Variants in ARHGEF10 observed in about 807,000 individuals in gnomAD.
ARHGEF10 encodes Rho guanine nucleotide exchange factor 10.
In ARHGEF10, 140 loss-of-function variants were observed where a neutral mutation model predicts 147.4. That is an observed-to-expected ratio of 0.95 (90% CI 0.83 to 1.09). ARHGEF10 has a LOEUF of 1.09. Among genes scored for constraint, ARHGEF10 ranks in the 50% least tolerant of loss-of-function variants. The probability of loss-of-function intolerance (pLI) is 0.00; values close to 1 mark genes in which losing one functional copy is unlikely to be tolerated. For synonymous variants in ARHGEF10, 902 were observed against 695.8 expected (o/e 1.30, Z -4.67); for missense variants, 2,222 against 1,752.7 (o/e 1.27, Z -4.78).
At chr8:1,917,945 A>ATT (rs796327045) in intron 18 of ARHGEF10, among the ~76,000 whole-genome samples, 1 of 141,568 alleles carries the variant, frequency 7.1e-6, no homozygotes, top group African/African-American at 2.6e-5. Context: ...TGCCTGGCTA[A>ATT]TTTTTTTTTT....
chr8:1,929,467 T>A (rs1266329401), intron 25 of ARHGEF10, 24 bp downstream of exon 25: 1 of 1,590,334 alleles, frequency 6.3e-7, no homozygotes, highest in South Asian at 1.1e-5. Context: ...CACGGCCTCC[T>A]GGCCGGTCCT....
intron 21 of ARHGEF10, among the ~76,000 whole-genome samples, chr8:1,924,432 A>C (rs1363937190): frequency 1.3e-5 from 2 of 152,228 alleles, no homozygotes; most frequent in Non-Finnish European, 2.9e-5. Context: ...GTACTTATAC[A>C]CATGCTTACA....
chr8:1,876,656 A>G lies in ARHGEF10; in HGVS notation c.765A>G (p.Glu255=). ...ACGGATGGAGTTCGAGTGAATTTGA[A>G]AGTTACGAAGAGCAGAGTGACTCGG... The part of the protein sequence containing the change: ...LEYGWSSSEF[E]SYEEQSDSEC... The change falls in exon 8 of 29, where the codon GAA becomes GAG. Residue 255 remains glutamate (E), a synonymous_variant. Transcript: ENST00000349830. 1 of 1,614,198 alleles carries G rather than the reference A, an allele frequency of 6.2e-7. No individual in the cohort carries two copies. Among genetic ancestry groups the G allele is most frequent in the Non-Finnish European group, 8.5e-7 (1 of 1,180,032 alleles).
rs140093553 is a variant in ARHGEF10 at position 1,915,932 on chromosome 8, G to C, written c.2143+6462G>C. ...CCCTGGAGCTATGACTGTCAGTCAA[G>C]TTGACATTCCAGAAACCTTCTATTC... On this transcript the variant is annotated intron_variant, in intron 18 of 28. Coordinates refer to ENST00000349830, the MANE Select transcript of ARHGEF10 (RefSeq NM_014629.4). 3.6e-3 allele frequency among the ~76,000 whole-genome samples: 549 copies of C among 152,356 alleles called. 9 individuals are homozygous for C. Among genetic ancestry groups the C allele is most frequent in the East Asian group, 0.023 (121 of 5,190 alleles).
At chr8:1,925,233 C>A in intron 21 of ARHGEF10, 50 bp from the exon 22 acceptor site, 1 of 1,613,074 alleles carries the variant, frequency 6.2e-7, no homozygotes, top group Non-Finnish European at 8.5e-7. Context: ...CAGGTCTTTG[C>A]ATGTGAGTTA....
intron 27 of ARHGEF10, chr8:1,945,896 C>CCGCGTGCTGGGAGGAGT: frequency 1.4e-6 from 1 of 707,066 alleles, no homozygotes; most frequent in Middle Eastern, 3.2e-4. Context: ...CTGGGAGGAG[C>CCGCGTGCTGGGAGGAGT]CGCGTGCTGG....
intron 2 of ARHGEF10, among the ~76,000 whole-genome samples, chr8:1,857,254 A>G (rs1483033612): frequency 9.2e-5 from 14 of 152,192 alleles, no homozygotes; most frequent in Admixed American, 9.2e-4. Context: ...AAGGAGAAGA[A>G]TTCTAGGGAG....
intron 25 of ARHGEF10, 85 bp downstream of exon 25, chr8:1,929,528 A>G: frequency 2.8e-6 from 4 of 1,443,672 alleles, no homozygotes; most frequent in Non-Finnish European, 3.7e-6. Flanking sequence ...CCACCTCCCC[A>G]CCGGCCTCCT....
chr8:1,902,949 C>A (rs538431757), intron 15 of ARHGEF10, among the ~76,000 whole-genome samples: 1 of 152,220 alleles, frequency 6.6e-6, no homozygotes, highest in African/African-American at 2.4e-5. Flanking sequence ...GTTCATCTGT[C>A]TGACTCAACT....
intron 2 of ARHGEF10, among the ~76,000 whole-genome samples, chr8:1,844,209 G>C (rs1804328574): frequency 6.6e-6 from 1 of 152,132 alleles, no homozygotes; most frequent in Admixed American, 6.6e-5. Flanking sequence ...GTGGGTGTGG[G>C]TCTTGGGAGA....
chr8:1,850,799 G>C (rs1179661490), intron 2 of ARHGEF10, among the ~76,000 whole-genome samples: 1 of 152,292 alleles, frequency 6.6e-6, no homozygotes, highest in South Asian at 2.1e-4. Context: ...AAGCAGCCAT[G>C]ATGTCCTTCA....
At chr8:1,923,709 G>A (rs1812469348) in intron 20 of ARHGEF10, 65 bp from the exon 21 acceptor site, 21 of 1,612,694 alleles carry the variant, frequency 1.3e-5, no homozygotes, top group Non-Finnish European at 1.6e-5. Context: ...GGCAAAATGT[G>A]TAATTTAACC....
chr8:1,890,224 G>A (rs945808580), intron 11 of ARHGEF10, among the ~76,000 whole-genome samples: 5 of 137,018 alleles, frequency 3.6e-5, no homozygotes, highest in African/African-American at 1.4e-4. Context: ...GACACTGAGT[G>A]GGGTGAGGGT....
intron 25 of ARHGEF10, among the ~76,000 whole-genome samples, chr8:1,929,674 C>G (rs886982735): frequency 6.6e-6 from 1 of 152,236 alleles, no homozygotes; most frequent in African/African-American, 2.4e-5. Context: ...TCCTCCCACC[C>G]TCCCACTTCT....
intron 17 of ARHGEF10, 27 bp from the exon 18 acceptor site, chr8:1,909,268 A>G (rs768613720): frequency 6.2e-7 from 1 of 1,614,168 alleles, no homozygotes; most frequent in Admixed American, 1.7e-5. Context: ...AATTATTCGT[A>G]AAACAAGGAT....
At chr8:1,840,880 G>A (rs1002836707) in intron 1 of ARHGEF10, among the ~76,000 whole-genome samples, 19 of 152,254 alleles carry the variant, frequency 1.2e-4, no homozygotes, top group Admixed American at 4.6e-4. Flanking sequence ...GGTGGAGAGG[G>A]TGGGCCCCTA....
rs183956971 is a variant in ARHGEF10 at position 1,937,064 on chromosome 8, C to G, written c.3222+3122C>G. Among the ~76,000 whole-genome samples, 21 of 152,346 alleles carry G rather than the reference C, an allele frequency of 1.4e-4. No homozygotes were observed. The East Asian group carries it at 3.7e-3, about 27-fold the overall frequency. On this transcript the variant is annotated intron_variant, in intron 26 of 28. Transcript: ENST00000349830. The surrounding 1 kb of genome is among the most constrained non-coding windows in gnomAD (Gnocchi z 4.9). ...CATTCCCGCGTGAGTCTTTTTTTGA[C>G]ACAGCCTCCCCGACGTCCTTCGAGA...
At chr8:1,878,626 C>T (rs572963433) in intron 8 of ARHGEF10, among the ~76,000 whole-genome samples, 2 of 152,042 alleles carry the variant, frequency 1.3e-5, no homozygotes, top group Admixed American at 6.5e-5. Flanking sequence ...TGCCTCGGAG[C>T]GTGGGTTAAA....
chr8:1,883,843 A>G (rs556313770), intron 10 of ARHGEF10, among the ~76,000 whole-genome samples: 1 of 152,208 alleles, frequency 6.6e-6, no homozygotes, highest in South Asian at 2.1e-4. Context: ...GGCCACATTC[A>G]CTGCCTCAAG....
Sources: allele counts gnomAD v4.1 joint callset (sites outside exome capture counted in the v4.1 genomes callset), GRCh38; gene constraint gnomAD v4.1.1; non-coding constraint Gnocchi (gnomAD v3.1); transcripts MANE v1.5; gene names NCBI Gene and HGNC (gene_info 2026-07-23, HGNC 2026-07-21).